DNAH17: variants seen among roughly 807,000 people sequenced by gnomAD.
DNAH17 encodes axonemal beta dynein heavy chain 17.
A neutral mutation model predicts 485.6 loss-of-function variants in DNAH17; 376 were observed. That is an observed-to-expected ratio of 0.77 (90% CI 0.71 to 0.84). DNAH17 has a LOEUF of 0.84. DNAH17 is among the 40% of genes least tolerant of loss of function. DNAH17 has a pLI of 0.00. For synonymous variants in DNAH17, 3,031 were observed against 2,405.9 expected (o/e 1.26, Z -7.60); for missense variants, 6,370 against 5,839.3 (o/e 1.09, Z -2.96).
intron 56 of DNAH17, among the ~76,000 whole-genome samples, chr17:78,465,609 C>T (rs2088394627): frequency 1.3e-5 from 2 of 151,546 alleles, no homozygotes; most frequent in South Asian, 2.1e-4. Context: ...AGGAGCGCCT[C>T]TGCCCGGCCG....
chr17:78,528,284 G>C (rs940199448), intron 22 of DNAH17, among the ~76,000 whole-genome samples: 1 of 152,098 alleles, frequency 6.6e-6, no homozygotes, highest in African/African-American at 2.4e-5. Flanking sequence ...TTTTGACACA[G>C]GGTCTTGGCT....
intron 13 of DNAH17, among the ~76,000 whole-genome samples, chr17:78,560,050 G>C (rs1049576774): frequency 6.6e-6 from 1 of 151,984 alleles, no homozygotes; most frequent in South Asian, 2.1e-4. Context: ...GGAACCTGTT[G>C]CACCTTCTAC....
In DNAH17 at chr17:78,571,352, A is replaced by G. The variant is rs368173187; in HGVS notation, c.759T>C (p.Ile253=). The change falls in exon 5 of 81, where the codon ATT becomes ATC. Residue 253 remains isoleucine (I), a synonymous_variant. Transcript: ENST00000389840. ...EQLNRPKVNK[I]VEILEKAKSC... Reference sequence around the variant, plus strand: ...TTTTGGCTTTCTCTAGGATCTCAACAATCTTGTTCACTTTGGGTCTGTTTA... The same window carrying G: ...TTTTGGCTTTCTCTAGGATCTCAACGATCTTGTTCACTTTGGGTCTGTTTA... 60 of 1,613,732 alleles carry G rather than the reference A, an allele frequency of 3.7e-5. No homozygotes were observed. The highest frequency in any genetic ancestry group is 4.8e-5 in the Non-Finnish European group (57 of 1,179,806).
chr17:78,572,276 C>A (rs755660881), intron 3 of DNAH17, among the ~76,000 whole-genome samples: 2 of 152,050 alleles, frequency 1.3e-5, no homozygotes, highest in South Asian at 4.1e-4. Flanking sequence ...TCTGGGGGCA[C>A]CGCAGCCTCT....
In DNAH17 at chr17:78,486,115, C is replaced by T. The variant is rs1347391582; in HGVS notation, c.7120G>A (p.Glu2374Lys). 2.5e-6 allele frequency: 4 copies of T among 1,613,728 alleles called. No individual in the cohort carries two copies. Among genetic ancestry groups the T allele is most frequent in the Admixed American group, 1.7e-5 (1 of 59,986 alleles). ...TCGTTGATCCACCATTTACTGAACTCCACTCGATAATCCACAAGCTGTTGA... is the reference window on the plus strand; with the variant it reads ...TCGTTGATCCACCATTTACTGAACTTCACTCGATAATCCACAAGCTGTTGA... Reference protein sequence around the residue: ...FQDQLVDYRVEFSKWWINEFK... With the variant: ...FQDQLVDYRVKFSKWWINEFK... The change falls in exon 46 of 81, where the codon GAG (glutamate) becomes AAG (lysine). Residue 2374 changes from glutamate (E) to lysine (K), a missense_variant. Physicochemically the swap from Glu to Lys is moderately conservative, Grantham distance 56 (BLOSUM62 1). Transcript: ENST00000389840.
At chr17:78,502,816 C>G (rs1408642812) in intron 32 of DNAH17, 70 bp downstream of exon 32, 16 of 1,592,628 alleles carry the variant, frequency 1.0e-5, no homozygotes, top group Non-Finnish European at 1.3e-5. Flanking sequence ...ACAGCGGAGC[C>G]CATGAACGCA....
chr17:78,426,771 C>T (rs751196497), intron 78 of DNAH17, 155 bp downstream of exon 78: 1 of 1,271,308 alleles, frequency 7.9e-7, no homozygotes, highest in Non-Finnish European at 1.1e-6. Flanking sequence ...TCTAGATGAG[C>T]TCCCGGGGCT....
intron 15 of DNAH17, 131 bp from the exon 16 acceptor site, chr17:78,551,769 C>T: frequency 1.3e-6 from 1 of 765,062 alleles, no homozygotes; most frequent in Admixed American, 2.4e-5. Flanking sequence ...CGAGACCAGC[C>T]TGGGCAACAT....
intron 14 of DNAH17, among the ~76,000 whole-genome samples, chr17:78,554,602 C>T (rs1417799796): frequency 6.6e-6 from 1 of 151,928 alleles, no homozygotes; most frequent in African/African-American, 2.4e-5. Flanking sequence ...TAATAAGCAC[C>T]ATTTAGGCCT....
chr17:78,467,041 C>T (rs1177807586), intron 55 of DNAH17, among the ~76,000 whole-genome samples: 1 of 152,228 alleles, frequency 6.6e-6, no homozygotes, highest in East Asian at 1.9e-4. Flanking sequence ...CCCAATCCCT[C>T]TGGAAGGGGC....
In DNAH17 at chr17:78,492,539, G is replaced by A. The variant is rs930517198; in HGVS notation, c.6541+94C>T. On this transcript the variant is annotated intron_variant, in intron 42 of 80. Coordinates refer to ENST00000389840, the MANE Select transcript of DNAH17 (RefSeq NM_173628.4). Reference sequence around the variant, plus strand: ...CCTGTGTGCCCCACCCTAGCCTGGGGAGGCTGGCCTTCCACGTGGGAACGG... The same window carrying A: ...CCTGTGTGCCCCACCCTAGCCTGGGAAGGCTGGCCTTCCACGTGGGAACGG... The A allele has an allele frequency of 1.0e-5, 16 of 1,533,720 alleles. No individual in the cohort carries two copies. The Admixed American group carries it at 1.3e-4, about 12-fold the overall frequency.
At chr17:78,467,609 G>A (rs961051900) in intron 55 of DNAH17, among the ~76,000 whole-genome samples, 13 of 152,182 alleles carry the variant, frequency 8.5e-5, no homozygotes, top group Non-Finnish European at 1.2e-4. Flanking sequence ...ATGGCCGGCA[G>A]GTGTCCAGGA....
At chr17:78,491,777 C>G (rs1020782355) in intron 42 of DNAH17, among the ~76,000 whole-genome samples, 14 of 152,192 alleles carry the variant, frequency 9.2e-5, no homozygotes, top group African/African-American at 3.1e-4. Flanking sequence ...ATGCCTGAGG[C>G]CCTGCCTGTC....
chr17:78,572,951 GC>G (rs1281085905), intron 2 of DNAH17, 57 bp from the exon 3 acceptor site: 1 of 1,511,480 alleles, frequency 6.6e-7, no homozygotes, highest in Non-Finnish European at 9.0e-7. Context: ...CTCGGCAACC[GC>G]ACAGAGCCAG....
rs983187971 is a variant in DNAH17 at position 78,486,296 on chromosome 17, G to C, written c.7029C>G (p.Pro2343=). ...CGAAGTACAGCTCGTACAGCTCCCT[G>C]GGGGAGTCGGGGGGCACGGTCTTCT... ...LTEKTVPPDS[P]RELYELYFVF... Residue 2343 remains proline, a synonymous_variant, in exon 45 of 81, where the codon CCC becomes CCG. Coordinates refer to ENST00000389840, the MANE Select transcript of DNAH17 (RefSeq NM_173628.4). 6.2e-7 allele frequency: 1 copy of C among 1,612,640 alleles called. No homozygotes were observed. The highest frequency in any genetic ancestry group is 8.5e-7 in the Non-Finnish European group (1 of 1,178,910).
Position 78,566,980 on chromosome 17 carries a change from A to AC in DNAH17, c.1452+18dup, listed in dbSNP as rs1030009421. 4.4e-6 allele frequency: 7 copies of AC among 1,599,490 alleles called. No homozygotes were observed. In the African/African-American group the frequency reaches 9.4e-5, roughly 22 times the overall value. On this transcript the variant is annotated intron_variant, in intron 10 of 80. Transcript: ENST00000389840. ...GTTCTCACCGAGTCCAGTTCATCCA[A>AC]CCCTGCCCGAGGACCTACCGAGTCT...
chr17:78,495,830 C>T (rs759887753), intron 38 of DNAH17, 45 bp downstream of exon 38: 57 of 1,586,868 alleles, frequency 3.6e-5, no homozygotes, highest in East Asian at 4.5e-5. Flanking sequence ...TTGCTGTGGC[C>T]GGCCTGGCTC....
chr17:78,486,301 A>G lies in DNAH17; in HGVS notation c.7024T>C (p.Ser2342Pro). ...LLTEKTVPPD[S>P]PRELYELYFV... ...TACAGCTCGTACAGCTCCCTGGGGGAGTCGGGGGGCACGGTCTTCTCCGTG... is the reference window on the plus strand; with the variant it reads ...TACAGCTCGTACAGCTCCCTGGGGGGGTCGGGGGGCACGGTCTTCTCCGTG... The change falls in exon 45 of 81, where the codon TCC becomes CCC. Residue 2342 changes from serine (S) to proline (P), a missense_variant. Coordinates refer to ENST00000389840, the MANE Select transcript of DNAH17 (RefSeq NM_173628.4). 24 of 1,612,494 alleles carry G rather than the reference A, an allele frequency of 1.5e-5. No homozygotes were observed. Among genetic ancestry groups the G allele is most frequent in the Non-Finnish European group, 2.0e-5 (24 of 1,178,882 alleles).
At chr17:78,428,286 C>G (rs1025165701) in intron 77 of DNAH17, 4 of 570,930 alleles carry the variant, frequency 7.0e-6, no homozygotes, top group South Asian at 1.9e-5. Flanking sequence ...ATCCACACCC[C>G]CAAGGATCCC....
Sources: gnomAD v4.1 joint callset for allele counts (sites outside exome capture counted in the v4.1 genomes callset) on GRCh38, gnomAD v4.1.1 for gene constraint, MANE v1.5 for transcripts, NCBI Gene and HGNC (gene_info 2026-07-23, HGNC 2026-07-21) for gene names.